Variants in PCF11 observed in about 807,000 individuals in gnomAD.
PCF11 encodes the protein pre-mRNA cleavage complex 2 protein Pcf11.
A neutral mutation model predicts 166.1 loss-of-function variants in PCF11; 19 were observed. The ratio of observed to expected loss-of-function variants is 0.11; its 90% CI spans 0.08 to 0.17. The LOEUF (loss-of-function observed/expected upper bound fraction) is 0.17, where lower values mean the gene tolerates loss of function less well. PCF11 is among the 10% of genes least tolerant of loss of function. The pLI is 1.00. For missense variants in PCF11, 1,565 were observed against 1,855.5 expected, an observed-to-expected ratio of 0.84 and a Z score of 2.88; for synonymous variants, 663 against 644.1, an observed-to-expected ratio of 1.03 and a Z score of -0.44.
At chr11:83,180,673 A>G (rs1330579364) in intron 11 of PCF11, 2 of 168,022 alleles carry the variant, frequency 1.2e-5, no homozygotes, top group Non-Finnish European at 2.6e-5. Flanking sequence ...CTGTTCTGCC[A>G]TGTCCATCTT....
In PCF11 at chr11:83,157,478, G is replaced by C. The variant is rs768048998; in HGVS notation, c.39G>C (p.Gly13=). ...CGCCGGCCGAGGCCGGTGCTGCGGG[G>C]GCCCGGGAGGACGCCTGTCGGGATT... Residue 13 remains glycine (G), a synonymous_variant, in exon 1 of 16, where the codon GGG becomes GGC. Transcript: ENST00000298281. 6.8e-6 allele frequency: 11 copies of C among 1,612,812 alleles called. No individual in the cohort carries two copies. The African/African-American group carries it at 1.3e-4, about 20-fold the overall frequency.
intron 9 of PCF11, among the ~76,000 whole-genome samples, chr11:83,174,515 G>A (rs140934690): frequency 1.1e-4 from 17 of 151,014 alleles, no homozygotes; most frequent in Non-Finnish European, 2.2e-4. Flanking sequence ...CACCACACTC[G>A]GCCTCAAAGA....
chr11:83,176,845 CAAAA>C (rs879497723), intron 9 of PCF11, among the ~76,000 whole-genome samples: 55 of 143,138 alleles, frequency 3.8e-4, no homozygotes, highest in African/African-American at 1.2e-3. Context: ...AATAAAAAAA[CAAAA>C]AAAAAAGAAG....
chr11:83,159,201 T>G (rs966352219), intron 1 of PCF11, among the ~76,000 whole-genome samples: 7 of 150,992 alleles, frequency 4.6e-5, no homozygotes, highest in African/African-American at 1.7e-4. Context: ...TAAAACAGCT[T>G]TTTTTTTTAA....
exon 8 of PCF11, chr11:83,169,554 G>A: frequency 6.2e-7 from 1 of 1,614,014 alleles, no homozygotes; most frequent in African/African-American, 1.3e-5. Context: ...CAGGCCCTCA[G>A]AGGTTTGATG....
At chr11:83,172,041 G>A (rs1027887426) in intron 9 of PCF11, 127 bp downstream of exon 9, 18 of 615,146 alleles carry the variant, frequency 2.9e-5, no homozygotes, top group African/African-American at 2.6e-4. Flanking sequence ...AATTTAATCT[G>A]GCTGACATAT....
At chr11:83,182,927 T>G (rs1203439961) in intron 14 of PCF11, 111 bp from the exon 15 acceptor site, 1 of 741,976 alleles carries the variant, frequency 1.3e-6, no homozygotes, top group East Asian at 2.9e-5. Context: ...GACCAAATAA[T>G]TTTTGTCTTC....
In PCF11 at chr11:83,167,010, T is replaced by C; in HGVS notation, c.1818-115T>C. ...CTCTTAATCATTTATTTAATTACTT[T>C]TTGTGGTTACATATGCCCATTTTAA... On this transcript the variant is annotated intron_variant, in intron 5 of 15. Transcript: ENST00000298281. This position sits in a 1 kb window ranked among gnomAD's most constrained non-coding sequence, Gnocchi z 4.2. 1.2e-6 allele frequency: 1 copy of C among 805,542 alleles called. No individual in the cohort carries two copies. The highest frequency in any genetic ancestry group is 1.9e-5 in the South Asian group (1 of 52,296). The allele number at this position is 805,542 out of a possible 1,614,324, so 49.9% of individuals were successfully genotyped here.
At chr11:83,157,923 G>T in intron 1 of PCF11, 1 of 376,254 alleles carries the variant, frequency 2.7e-6, no homozygotes, top group Non-Finnish European at 4.9e-6. Flanking sequence ...GCCCTTTGGG[G>T]TGGGGGAGAC....
At chr11:83,180,711 A>T (rs1360957271) in intron 11 of PCF11, 2 of 189,318 alleles carry the variant, frequency 1.1e-5, no homozygotes, top group African/African-American at 4.6e-5. Flanking sequence ...AAATAAGCTA[A>T]CTATTGCCTT....
At chr11:83,186,845 T>C (rs1409511773) in exon 16 of PCF11, 1 of 152,206 alleles carries the variant, frequency 6.6e-6, no homozygotes, top group African/African-American at 2.4e-5. Flanking sequence ...GTTGAACATT[T>C]TTCTGGGGAA....
At chr11:83,161,540 G>A in intron 2 of PCF11, 88 bp downstream of exon 2, 1 of 1,010,110 alleles carries the variant, frequency 9.9e-7, no homozygotes, top group Non-Finnish European at 1.4e-6. Flanking sequence ...GGGTTTTCTT[G>A]GGTGGTGAAA....
At chr11:83,161,132 T>G (rs1281350207) in intron 1 of PCF11, among the ~76,000 whole-genome samples, 195 bp from the exon 2 acceptor site, 2 of 152,264 alleles carry the variant, frequency 1.3e-5, no homozygotes, top group Non-Finnish European at 2.9e-5. Context: ...CTGGTAATTC[T>G]GAGCTTTTTT....
chr11:83,185,923 T>C (rs1469137450), exon 16 of PCF11: 2 of 152,664 alleles, frequency 1.3e-5, no homozygotes, highest in African/African-American at 4.8e-5. Flanking sequence ...GTTAGTCTTT[T>C]CTGCCATTTA....
At chr11:83,169,531 ACTC>A (rs1860602467) in exon 8 of PCF11, 1 of 1,612,974 alleles carries the variant, frequency 6.2e-7, no homozygotes, top group East Asian at 2.2e-5. Context: ...ATTTGAAAGG[ACTC>A]CTGGTCAGCC....
intron 13 of PCF11, 53 bp downstream of exon 13, chr11:83,182,062 TTATG>T: frequency 7.0e-7 from 1 of 1,434,360 alleles, no homozygotes; most frequent in South Asian, 1.3e-5. Context: ...CTCACTTCCT[TTATG>T]TAAATACTCA....
At chr11:83,181,931 A>T in exon 13 of PCF11, 1 of 1,612,830 alleles carries the variant, frequency 6.2e-7, no homozygotes, top group East Asian at 2.2e-5. Flanking sequence ...TGCATGAAGA[A>T]GTTGTGCTCA....
chr11:83,182,575 A>G, intron 14 of PCF11, 84 bp downstream of exon 14: 1 of 698,488 alleles, frequency 1.4e-6, no homozygotes. Context: ...GAGGCGGTTC[A>G]TAATAGTTTT....
chr11:83,165,619 A>C (rs923164292), exon 5 of PCF11: 3 of 1,611,360 alleles, frequency 1.9e-6, no homozygotes, highest in Non-Finnish European at 2.5e-6. Context: ...CTTAGTGTTC[A>C]GCAGGAAACA....
Sources: allele counts gnomAD v4.1 joint callset (sites outside exome capture counted in the v4.1 genomes callset), GRCh38; gene constraint gnomAD v4.1.1; non-coding constraint Gnocchi (gnomAD v3.1); transcripts MANE v1.5; gene names NCBI Gene and HGNC (gene_info 2026-07-23, HGNC 2026-07-21).